Variants in TDRD12 observed in about 807,000 individuals in gnomAD.
TDRD12 encodes putative ATP-dependent RNA helicase TDRD12.
Under a neutral mutation model 133.5 loss-of-function variants are expected in TDRD12, and 158 were observed. That is an observed-to-expected ratio of 1.18 (90% CI 1.04 to 1.35). The LOEUF (loss-of-function observed/expected upper bound fraction) is 1.35. TDRD12 is among the 40% of genes most tolerant of loss of function. The pLI is 0.00. For synonymous variants in TDRD12, 460 were observed against 477.9 expected (o/e 0.96, Z 0.49); for missense variants, 1,443 against 1,321.3 (o/e 1.09, Z -1.43).
chr19:32,758,093 A>G (rs1045934404), intron 8 of TDRD12, among the ~76,000 whole-genome samples: 9 of 152,126 alleles, frequency 5.9e-5, no homozygotes, highest in South Asian at 2.1e-4. Context: ...CATCTGTGCT[A>G]TAGATTGTAT....
chr19:32,802,676 C>T, exon 20 of TDRD12: 1 of 1,536,212 alleles, frequency 6.5e-7, no homozygotes, highest in Non-Finnish European at 8.7e-7. Flanking sequence ...CGACTGCGTC[C>T]CACTCTTGGC....
intron 4 of TDRD12, among the ~76,000 whole-genome samples, chr19:32,746,630 C>G (rs2145501782): frequency 6.3e-5 from 6 of 95,786 alleles, no homozygotes; most frequent in African/African-American, 1.7e-4. Flanking sequence ...GAGAGAGAGT[C>G]TGGCTGATGT....
chr19:32,772,923 C>A (rs1970479325), intron 9 of TDRD12, 73 bp downstream of exon 9: 2 of 776,430 alleles, frequency 2.6e-6, no homozygotes, highest in South Asian at 3.5e-5. Context: ...CTTTTGAAAT[C>A]TATCTGAAAC....
chr19:32,752,498 T>G (rs977640548), intron 6 of TDRD12, among the ~76,000 whole-genome samples: 98 of 152,188 alleles, frequency 6.4e-4, no homozygotes, highest in African/African-American at 2.2e-3. Flanking sequence ...CATTTTTAAT[T>G]GGAATTTTAT....
chr19:32,763,168 A>G (rs1357506058), intron 8 of TDRD12, among the ~76,000 whole-genome samples: 1 of 152,188 alleles, frequency 6.6e-6, no homozygotes, highest in African/African-American at 2.4e-5. Context: ...ACTGTCTGCC[A>G]TGTTTATTAC....
At chr19:32,754,504 G>GTCGT (rs1969931063) in intron 6 of TDRD12, among the ~76,000 whole-genome samples, 1 of 151,938 alleles carries the variant, frequency 6.6e-6, no homozygotes, top group Non-Finnish European at 1.5e-5. Context: ...TGCAGAACCA[G>GTCGT]TCGTTTTTTT....
intron 4 of TDRD12, among the ~76,000 whole-genome samples, chr19:32,743,145 A>C (rs1316207631): frequency 6.6e-6 from 1 of 152,262 alleles, no homozygotes; most frequent in East Asian, 1.9e-4. Flanking sequence ...ACTGTAAAGA[A>C]AAATATTCAT....
rs1053725464 is a variant in TDRD12 at position 32,721,117 on chromosome 19, C to T, written c.24+1021C>T. On this transcript the variant is annotated intron_variant, in intron 1 of 27. Transcript: ENST00000444215. ...TGCCCCCAGTCTCTGTTGCCCTATC[C>T]GCTCACCGCGTGGGCTCTGCGTGGG... Among the ~76,000 whole-genome samples the T allele has an allele frequency of 3.3e-5, 5 of 152,156 alleles. No homozygotes were observed. The East Asian group carries it at 7.9e-4, about 24-fold the overall frequency.
At chr19:32,734,141 C>A (rs927761821) in intron 2 of TDRD12, among the ~76,000 whole-genome samples, 6 of 152,032 alleles carry the variant, frequency 3.9e-5, no homozygotes, top group African/African-American at 1.4e-4. Flanking sequence ...ATGATCCACC[C>A]GTCTCAGCCT....
exon 14 of TDRD12, chr19:32,794,650 C>T (rs1277912078): frequency 2.7e-5 from 19 of 702,350 alleles, no homozygotes; most frequent in Middle Eastern, 2.3e-4. Flanking sequence ...AATAAGTTTC[C>T]GGGCCCCAGC....
intron 8 of TDRD12, among the ~76,000 whole-genome samples, chr19:32,771,784 G>T: frequency 6.6e-6 from 1 of 152,250 alleles, no homozygotes; most frequent in Non-Finnish European, 1.5e-5. Flanking sequence ...AGAAGACCAC[G>T]TGACATGCAG....
intron 14 of TDRD12, among the ~76,000 whole-genome samples, chr19:32,795,335 GAAAAA>G (rs35855895): frequency 8.8e-6 from 1 of 114,272 alleles, no homozygotes. Flanking sequence ...CTCCATCTCA[GAAAAA>G]AAAAAAAAAA....
intron 8 of TDRD12, among the ~76,000 whole-genome samples, chr19:32,757,958 A>G (rs1427957133): frequency 6.6e-6 from 1 of 152,220 alleles, no homozygotes; most frequent in Non-Finnish European, 1.5e-5. Context: ...AGAAAGATAC[A>G]AAGGGTTTTT....
rs908129241 is a variant in TDRD12 at position 32,802,907 on chromosome 19, A to AC, written c.2332-10dup. 7.2e-6 allele frequency: 11 copies of AC among 1,530,238 alleles called. No homozygotes were observed. The African/African-American group carries it at 1.5e-4, about 21-fold the overall frequency. The allele number at this position is 1,530,238 out of a possible 1,614,324, so 94.8% of individuals were successfully genotyped here. On this transcript the variant is annotated splice_polypyrimidine_tract_variant and intron_variant, in intron 20 of 27. Transcript: ENST00000444215. ...GATAGATGATCCACTTCCTTTATTC[A>AC]CCCCCAATTTTCAGGGTTCTCCTGC...
exon 10 of TDRD12, chr19:32,827,246 G>A: frequency 4.9e-6 from 6 of 1,232,028 alleles, no homozygotes; most frequent in Non-Finnish European, 6.1e-6. Flanking sequence ...ACGACAGTGA[G>A]AGTGAAAGAG....
At chr19:32,826,297 T>C (rs1267909574) in exon 8 of TDRD12, 9 of 1,440,232 alleles carry the variant, frequency 6.2e-6, no homozygotes, top group Non-Finnish European at 8.2e-6. Flanking sequence ...ATCTTAAAGA[T>C]AAGAATAAGG....
rs146287009 is a variant in TDRD12 at position 32,776,647 on chromosome 19, G to A, written c.1041-502G>A. ...AAGTGTTTGACTTCTCTCCCCTGCTGTTGGGGCCTCATCCAGAATCTCTAG... is the reference window on the plus strand; with the variant it reads ...AAGTGTTTGACTTCTCTCCCCTGCTATTGGGGCCTCATCCAGAATCTCTAG... On this transcript the variant is annotated intron_variant, in intron 10 of 27. Coordinates refer to ENST00000444215, the Ensembl canonical transcript of TDRD12. Among the ~76,000 whole-genome samples the A allele has an allele frequency of 2.8e-3, 434 of 152,324 alleles. 4 individuals carry two copies. Among genetic ancestry groups the A allele is most frequent in the African/African-American group, 1.0e-2 (415 of 41,572 alleles).
At chr19:32,817,010 C>T (rs1255680696) in intron 26 of TDRD12, among the ~76,000 whole-genome samples, 2 of 152,088 alleles carry the variant, frequency 1.3e-5, no homozygotes, top group African/African-American at 4.8e-5. Flanking sequence ...AAAACACGCA[C>T]CAAGTGTGGG....
exon 1 of TDRD12, chr19:32,719,983 G>A (rs1599809987): frequency 1.4e-6 from 2 of 1,477,808 alleles, no homozygotes; most frequent in Admixed American, 2.0e-5. Flanking sequence ...CGCGGCGGGG[G>A]CCTGGCCGGG....
Sources: gnomAD v4.1 joint callset for allele counts (sites outside exome capture counted in the v4.1 genomes callset) on GRCh38, gnomAD v4.1.1 for gene constraint, MANE v1.5 for transcripts, NCBI Gene and HGNC (gene_info 2026-07-23, HGNC 2026-07-21) for gene names.